FBXO4: variants seen among roughly 807,000 people sequenced by gnomAD.
FBXO4 encodes F-box protein 4, also known as F-box only protein 4.
Under a neutral mutation model 43.7 loss-of-function variants are expected in FBXO4, and 36 were observed. The observed-to-expected ratio is 0.82, with a 90% CI of 0.63 to 1.09. The LOEUF (loss-of-function observed/expected upper bound fraction) is 1.09. Among genes scored for constraint, FBXO4 ranks in the 50% least tolerant of loss-of-function variants. FBXO4 has a pLI of 0.00. For synonymous variants in FBXO4, 180 were observed against 165.6 expected (o/e 1.09, Z -0.67); for missense variants, 435 against 474.1 (o/e 0.92, Z 0.77).
chr5:41,936,087 T>C (rs1168622410), intron 5 of FBXO4, among the ~76,000 whole-genome samples: 1 of 152,244 alleles, frequency 6.6e-6, no homozygotes, highest in Admixed American at 6.5e-5. Context: ...CCTTTTTACC[T>C]CAGTCTTTAT....
the FBXO4 span, among the ~76,000 whole-genome samples, chr5:41,995,110 G>T: frequency 6.6e-6 from 1 of 152,314 alleles, no homozygotes; most frequent in East Asian, 1.9e-4. Flanking sequence ...TCAGGATGAT[G>T]GGGAACATGG....
At chr5:41,986,833 A>C in the FBXO4 span, among the ~76,000 whole-genome samples, 1 of 152,186 alleles carries the variant, frequency 6.6e-6, no homozygotes, top group Non-Finnish European at 1.5e-5. Flanking sequence ...TCATGCAAAA[A>C]AATAAGATAG....
chr5:42,003,228 T>G, the FBXO4 span, among the ~76,000 whole-genome samples: 1 of 152,210 alleles, frequency 6.6e-6, no homozygotes, highest in Admixed American at 6.5e-5. Flanking sequence ...AAATAGAGAT[T>G]TAACACTTCA....
At chr5:41,933,370 A>G (rs908119727) in intron 3 of FBXO4, among the ~76,000 whole-genome samples, 1 of 152,026 alleles carries the variant, frequency 6.6e-6, no homozygotes, top group African/African-American at 2.4e-5. Flanking sequence ...ATGGGCCACC[A>G]TGCCTGGATA....
the FBXO4 span, among the ~76,000 whole-genome samples, chr5:42,027,173 G>C: frequency 6.6e-6 from 1 of 151,804 alleles, no homozygotes; most frequent in Non-Finnish European, 1.5e-5. Context: ...AAACCATTAG[G>C]TTCTGGGCTT....
At chr5:42,008,873 A>G in the FBXO4 span, among the ~76,000 whole-genome samples, 1 of 152,020 alleles carries the variant, frequency 6.6e-6, no homozygotes, top group Non-Finnish European at 1.5e-5. Context: ...GGATCCACCT[A>G]TTGTGTCTTA....
chr5:41,961,539 G>T, the FBXO4 span, among the ~76,000 whole-genome samples: 4 of 152,184 alleles, frequency 2.6e-5, no homozygotes, highest in Non-Finnish European at 4.4e-5. Flanking sequence ...CATGTGATGT[G>T]CAGGTGCTTG....
the FBXO4 span, among the ~76,000 whole-genome samples, chr5:41,971,258 C>A: frequency 2.0e-5 from 3 of 149,818 alleles, no homozygotes; most frequent in East Asian, 5.8e-4. Context: ...GTATAAAGAC[C>A]TGGAAAGGTA....
At chr5:41,967,521 C>T in the FBXO4 span, 1 of 853,776 alleles carries the variant, frequency 1.2e-6, no homozygotes, top group Non-Finnish European at 1.9e-6. Context: ...GTGGCATCAC[C>T]TCCGTGACGT....
chr5:42,016,147 A>T, the FBXO4 span, among the ~76,000 whole-genome samples: 30 of 152,306 alleles, frequency 2.0e-4, 1 homozygote. Context: ...GTTAATTTTC[A>T]ATCATTAGCC....
chr5:41,987,300 A>G, the FBXO4 span, among the ~76,000 whole-genome samples: 2 of 152,154 alleles, frequency 1.3e-5, no homozygotes, highest in Admixed American at 6.5e-5. Flanking sequence ...TTGACTTCTC[A>G]GTTTCTGGCC....
At chr5:42,020,684 G>A in the FBXO4 span, among the ~76,000 whole-genome samples, 2 of 152,174 alleles carry the variant, frequency 1.3e-5, no homozygotes, top group South Asian at 4.1e-4. Context: ...TGCATTCCGG[G>A]GAGGAAGAAT....
At chr5:42,037,997 G>A in the FBXO4 span, among the ~76,000 whole-genome samples, 17 of 152,094 alleles carry the variant, frequency 1.1e-4, no homozygotes, top group Non-Finnish European at 2.2e-4. Context: ...AAAGCAGTTG[G>A]TCCTATGACA....
the FBXO4 span, among the ~76,000 whole-genome samples, chr5:42,022,208 C>T: frequency 6.6e-6 from 1 of 152,068 alleles, no homozygotes; most frequent in Non-Finnish European, 1.5e-5. Context: ...GTGGCTTCCC[C>T]ACAAACCCAC....
the FBXO4 span, among the ~76,000 whole-genome samples, chr5:42,032,959 C>G: frequency 1.3e-5 from 2 of 152,132 alleles, no homozygotes; most frequent in African/African-American, 4.8e-5. Flanking sequence ...GATGAATGCT[C>G]TCAGACCTAG....
chr5:41,989,967 T>C, the FBXO4 span, among the ~76,000 whole-genome samples: 1 of 152,122 alleles, frequency 6.6e-6, no homozygotes, highest in South Asian at 2.1e-4. Context: ...TGGATGCATA[T>C]TGATTTTAGA....
At chr5:42,026,434 T>C in the FBXO4 span, among the ~76,000 whole-genome samples, 1 of 152,044 alleles carries the variant, frequency 6.6e-6, no homozygotes, top group East Asian at 1.9e-4. Context: ...CTTTCCTGAA[T>C]TTATTTACCA....
Position 41,939,607 on chromosome 5 carries a change from C to T in FBXO4, c.1065C>T (p.His355=). 2 of 1,611,576 alleles carry T rather than the reference C, an allele frequency of 1.2e-6. No homozygotes were observed. Among genetic ancestry groups the T allele is most frequent in the South Asian group, 1.1e-5 (1 of 90,630 alleles). Residue 355 remains histidine (H), a synonymous_variant, in exon 6 of 7, where the codon CAC becomes CAT. Coordinates refer to ENST00000281623, the MANE Select transcript of FBXO4 (RefSeq NM_012176.3). The part of the protein sequence containing the change: ...AHELHLNLLN[H]PWLVQDTEAE... ...AGCTGCATCTGAATCTTCTAAATCA[C>T]CCATGGCTGGTAAGATCATTTATAC...
At chr5:42,027,165 A>G in the FBXO4 span, among the ~76,000 whole-genome samples, 20 of 151,794 alleles carry the variant, frequency 1.3e-4, no homozygotes, top group Middle Eastern at 0.01. Flanking sequence ...CAACAGTGAA[A>G]CCATTAGGTT....
Sources: allele counts gnomAD v4.1 joint callset (sites outside exome capture counted in the v4.1 genomes callset), GRCh38; gene constraint gnomAD v4.1.1; transcripts MANE v1.5; gene names NCBI Gene and HGNC (gene_info 2026-07-23, HGNC 2026-07-21).